GYS1: variants seen among roughly 807,000 people sequenced by gnomAD.
The protein encoded by GYS1 is glycogen synthase 1.
Under a neutral mutation model 89.1 loss-of-function variants are expected in GYS1, and 60 were observed. The observed-to-expected ratio is 0.67, with a 90% CI of 0.55 to 0.84. The LOEUF (loss-of-function observed/expected upper bound fraction) is 0.84. Ranked by LOEUF, GYS1 falls within the 40% of genes least tolerant of loss-of-function variation. The pLI, the probability that GYS1 is intolerant of heterozygous loss-of-function variation, is 0.00. For missense variants in GYS1, 888 were observed against 1,003.1 expected (o/e 0.89, Z 1.55); for synonymous variants, 366 against 401.7 (o/e 0.91, Z 1.06).
chr19:48,992,913 C>A, intron 1 of GYS1, 82 bp downstream of exon 1: 1 of 843,066 alleles, frequency 1.2e-6, no homozygotes, highest in South Asian at 1.3e-5. Flanking sequence ...CCTAGTAGCC[C>A]CGTCCTCCTA....
chr19:48,972,405 C>T (rs954702395), intron 12 of GYS1, among the ~76,000 whole-genome samples: 1 of 151,930 alleles, frequency 6.6e-6, no homozygotes, highest in Non-Finnish European at 1.5e-5. Flanking sequence ...AACTCCTGAG[C>T]TCAAGCTATC....
chr19:48,993,293 G>C lies in GYS1; in HGVS notation c.-181C>G, dbSNP rs750514444. ...CGAAGCGTTGGGACCTAGGCAGAAG[G>C]AGGCCGCAGCGTCACTGAGCCCACT... On this transcript the variant is annotated 5_prime_UTR_variant, in exon 1 of 16. Coordinates refer to ENST00000323798, the MANE Select transcript of GYS1 (RefSeq NM_002103.5). 7.3e-6 allele frequency: 5 copies of C among 680,442 alleles called. No homozygotes were observed. In the East Asian group the frequency reaches 1.4e-4, roughly 19 times the overall value. The allele number at this position is 680,442 out of a possible 1,614,324, so 42.2% of individuals were successfully genotyped here. A position where few individuals can be genotyped will look rare whatever the true frequency, so the allele number is the denominator to read the frequency against.
At chr19:48,983,345 T>C (rs1463609468) in intron 5 of GYS1, among the ~76,000 whole-genome samples, 1 of 152,170 alleles carries the variant, frequency 6.6e-6, no homozygotes, top group African/African-American at 2.4e-5. Flanking sequence ...TGCCTAATAT[T>C]ACTTGCTTAG....
At chr19:48,980,932 T>G (rs1243702545) in intron 8 of GYS1, among the ~76,000 whole-genome samples, 1 of 148,646 alleles carries the variant, frequency 6.7e-6, no homozygotes, top group East Asian at 2.0e-4. Context: ...CTGGCCAATA[T>G]AGTGAAAACC....
rs765229444 is a variant in GYS1, at chr19:48,993,149, G to T, written c.-37C>A. 8.4e-7 allele frequency: 1 copy of T among 1,184,508 alleles called. No homozygotes were observed. Among genetic ancestry groups the T allele is most frequent in the East Asian group, 2.3e-5 (1 of 42,934 alleles). 73.4% of individuals were successfully genotyped at this position (1,184,508 alleles called of 1,614,324 possible). On this transcript the variant is annotated 5_prime_UTR_variant, in exon 1 of 16. Coordinates refer to ENST00000323798, the MANE Select transcript of GYS1 (RefSeq NM_002103.5). Reference sequence around the variant, plus strand: ...GAAGGGGGGCTCCGGGGATCTCCAGGTAGGGACCCCGGAGGTGTCTAGGGA... The same window carrying T: ...GAAGGGGGGCTCCGGGGATCTCCAGTTAGGGACCCCGGAGGTGTCTAGGGA...
intron 7 of GYS1, 102 bp downstream of exon 7, chr19:48,982,151 CAA>C (rs2038774084): frequency 7.9e-7 from 1 of 1,267,006 alleles, no homozygotes; most frequent in African/African-American, 1.5e-5. Flanking sequence ...CCTTGGCCTC[CAA>C]AAGTGTTGGG....
chr19:48,989,255 G>A (rs2038886590), intron 2 of GYS1, among the ~76,000 whole-genome samples: 2 of 151,896 alleles, frequency 1.3e-5, no homozygotes. Flanking sequence ...GCCGAGGCGG[G>A]CGGATTGCCT....
At chr19:48,983,368 A>G (rs953357965) in intron 5 of GYS1, among the ~76,000 whole-genome samples, 1 of 152,182 alleles carries the variant, frequency 6.6e-6, no homozygotes, top group Non-Finnish European at 1.5e-5. Context: ...TCACAAGCAC[A>G]AGTATAAGTC....
At chr19:48,989,664 A>G (rs2038892603) in intron 2 of GYS1, among the ~76,000 whole-genome samples, 1 of 151,928 alleles carries the variant, frequency 6.6e-6, no homozygotes, top group African/African-American at 2.4e-5. Context: ...GGCTCAAGCT[A>G]TCCTCTCACC....
rs887805664 is a variant in GYS1, at chr19:48,991,907, C to T, written c.119-424G>A. Among the ~76,000 whole-genome samples, 8 of 152,184 alleles carry T rather than the reference C, an allele frequency of 5.3e-5. No homozygotes were observed. Among genetic ancestry groups the T allele is most frequent in the South Asian group, 2.1e-4 (1 of 4,826 alleles). ...CTGGGTTTAAATCGCAGCCAGGCTC[C>T]AAAACCCAGTGAGGGAGACCCCCTC... On this transcript the variant is annotated intron_variant, in intron 1 of 15. Transcript: ENST00000323798. This position sits in a 1 kb window ranked among gnomAD's most constrained non-coding sequence, Gnocchi z 4.7.
chr19:48,985,732 T>C (rs558479765), intron 4 of GYS1, 118 bp downstream of exon 4: 1 of 1,497,220 alleles, frequency 6.7e-7, no homozygotes, highest in African/African-American at 1.4e-5. Context: ...AGGAGGGGTC[T>C]GGGGACTTGG....
chr19:48,989,565 G>A (rs7409311), intron 2 of GYS1, among the ~76,000 whole-genome samples: 10,658 of 150,882 alleles, frequency 0.071, 471 homozygotes, highest in Admixed American at 0.12. Context: ...CTGGGATCAC[G>A]AGCACGCACC....
At chr19:48,985,642 T>A (rs1012139884) in intron 4 of GYS1, 37 bp from the exon 5 acceptor site, 1 of 1,612,136 alleles carries the variant, frequency 6.2e-7, no homozygotes, top group Middle Eastern at 1.7e-4. Flanking sequence ...TTAGAAGGAT[T>A]GGGGAGAAGA....
intron 10 of GYS1, among the ~76,000 whole-genome samples, chr19:48,975,128 C>T (rs2038625385): frequency 6.6e-6 from 1 of 151,948 alleles, no homozygotes; most frequent in Admixed American, 6.6e-5. Flanking sequence ...GACGAGGTTT[C>T]ACTGTGTTAA....
chr19:48,977,446 A>G (rs1188575922), intron 10 of GYS1, among the ~76,000 whole-genome samples: 1 of 151,900 alleles, frequency 6.6e-6, no homozygotes, highest in African/African-American at 2.4e-5. Flanking sequence ...TATATAAATT[A>G]GCTGGGTGTG....
Position 48,970,689 on chromosome 19 carries a change from G to A in GYS1, c.1666C>T (p.Arg556Trp). The stretch of plus-strand genomic sequence containing the variant: ...CAGGAATCATCCAGGCTGCGGAACC[G>A]CCGGTCAAGAATGTAGATACCTGTG... ...SAYGIYILDR[R>W]FRSLDDSCSQ... Residue 556 changes from arginine (R) to tryptophan (W), a missense_variant, in exon 14 of 16, where the codon CGG becomes TGG. Arg to Trp is a moderately radical substitution (Grantham distance 101, BLOSUM62 -3). Coordinates refer to ENST00000323798, the MANE Select transcript of GYS1 (RefSeq NM_002103.5). 3 of 1,613,904 alleles carry A rather than the reference G, an allele frequency of 1.9e-6. No homozygotes were observed. The highest frequency in any genetic ancestry group is 1.3e-5 in the African/African-American group (1 of 75,000).
intron 4 of GYS1, 92 bp downstream of exon 4, chr19:48,985,758 G>A: frequency 6.5e-7 from 1 of 1,533,902 alleles, no homozygotes; most frequent in Non-Finnish European, 9.0e-7. Context: ...TGGATCCTGG[G>A]AGAAGAGGGG....
At chr19:48,990,207 G>A (rs1300022013) in intron 2 of GYS1, among the ~76,000 whole-genome samples, 2 of 146,288 alleles carry the variant, frequency 1.4e-5, no homozygotes, top group Non-Finnish European at 3.0e-5. Context: ...TAGCCCTGCC[G>A]CCTGATGGCT....
At chr19:48,979,696 G>T (rs2038726321) in intron 8 of GYS1, among the ~76,000 whole-genome samples, 1 of 146,142 alleles carries the variant, frequency 6.8e-6, no homozygotes, top group Non-Finnish European at 1.5e-5. Context: ...ACCCATGCTG[G>T]AGTGCATTGG....
Sources: gnomAD v4.1 joint callset for allele counts (sites outside exome capture counted in the v4.1 genomes callset) on GRCh38, gnomAD v4.1.1 for gene constraint, Gnocchi (gnomAD v3.1) non-coding constraint, MANE v1.5 for transcripts, NCBI Gene and HGNC (gene_info 2026-07-23, HGNC 2026-07-21) for gene names.